Variants in KLHDC4 observed in about 807,000 individuals in gnomAD.
KLHDC4 encodes the protein kelch domain containing 4.
KLHDC4 carries 90 observed loss-of-function variants against 62.4 expected under a neutral mutation model. The ratio of observed to expected loss-of-function variants is 1.44; its 90% CI spans 1.22 to 1.72. The LOEUF is 1.72. Ranked by LOEUF, KLHDC4 falls within the 40% of genes most tolerant of loss-of-function variation. The probability of loss-of-function intolerance (pLI) is 0.00; values close to 1 mark genes in which losing one functional copy is unlikely to be tolerated. For missense variants in KLHDC4, 1,025 were observed against 699.7 expected, an observed-to-expected ratio of 1.47 and a Z score of -5.25; for synonymous variants, 386 against 284.4, an observed-to-expected ratio of 1.36 and a Z score of -3.59.
chr16:87,726,754 C>A lies in KLHDC4; in HGVS notation c.759+11G>T. On this transcript the variant is annotated intron_variant, in intron 7 of 11. Coordinates refer to ENST00000270583, the MANE Select transcript of KLHDC4 (RefSeq NM_017566.4). ...CCCACGCCTTGCCTGTTTCCCCACC[C>A]CCCGCCTTACCTGTTTCGAGTAGCC... is the stretch of plus-strand genomic sequence containing the variant. 1 of 1,545,882 alleles carries A rather than the reference C, an allele frequency of 6.5e-7. No homozygotes were observed. Among genetic ancestry groups the A allele is most frequent in the Non-Finnish European group, 8.7e-7 (1 of 1,150,838 alleles).
In KLHDC4 at chr16:87,728,170, G is replaced by C. The variant is rs116383978; in HGVS notation, c.600-1246C>G. On this transcript the variant is annotated intron_variant, in intron 6 of 11. Transcript: ENST00000270583. ...ACTGCACTCCAGCCTGGGCGATCGA[G>C]TGAGAATCTGTCTCAAAAAAAGAAG... is the stretch of plus-strand genomic sequence containing the variant. 7.2e-3 allele frequency among the ~76,000 whole-genome samples: 1,103 copies of C among 152,296 alleles called. 19 individuals are homozygous for C. Among genetic ancestry groups the C allele is most frequent in the African/African-American group, 0.025 (1,054 of 41,548 alleles).
intron 6 of KLHDC4, among the ~76,000 whole-genome samples, 175 bp from the exon 7 acceptor site, chr16:87,727,099 T>C (rs1205922217): frequency 6.6e-6 from 1 of 152,200 alleles, no homozygotes; most frequent in East Asian, 1.9e-4. Context: ...CGTGGCCGCT[T>C]TCCCTGCAAC....
intron 5 of KLHDC4, among the ~76,000 whole-genome samples, chr16:87,743,523 AGGGTCAG>A (rs2042557538): frequency 6.6e-6 from 1 of 151,628 alleles, no homozygotes; most frequent in Non-Finnish European, 1.5e-5. Flanking sequence ...GTGGATCATG[AGGGTCAG>A]GAGATCGAGA....
chr16:87,713,085 G>A (rs1337474111), intron 8 of KLHDC4, among the ~76,000 whole-genome samples: 1 of 152,252 alleles, frequency 6.6e-6, no homozygotes, highest in African/African-American at 2.4e-5. Context: ...AGGCTGGAGT[G>A]CAGTGGCACG....
At chr16:87,724,746 T>G (rs74039497) in intron 7 of KLHDC4, among the ~76,000 whole-genome samples, 7,057 of 152,246 alleles carry the variant, frequency 0.046, 544 homozygotes, top group African/African-American at 0.16. Flanking sequence ...AACCGGCCAC[T>G]GCTTCGGGAA....
At chr16:87,741,656 G>C (rs1468571196) in intron 5 of KLHDC4, among the ~76,000 whole-genome samples, 1 of 152,132 alleles carries the variant, frequency 6.6e-6, no homozygotes, top group Non-Finnish European at 1.5e-5. Context: ...ACTCAAATCA[G>C]ATTATCAGCA....
downstream of KLHDC4, among the ~76,000 whole-genome samples, chr16:87,703,752 G>C (rs1256833667): frequency 6.6e-6 from 1 of 152,242 alleles, no homozygotes; most frequent in African/African-American, 2.4e-5. Flanking sequence ...CGTGGTACCT[G>C]CACTGTGGCC....
chr16:87,705,481 A>C (rs12445361), downstream of KLHDC4, among the ~76,000 whole-genome samples: 12,173 of 152,290 alleles, frequency 0.08, 665 homozygotes, highest in Admixed American at 0.18. Context: ...CTTTCATTCA[A>C]ACCAAATCTT....
At chr16:87,746,126 C>T (rs2042997499) in intron 5 of KLHDC4, among the ~76,000 whole-genome samples, 1 of 151,926 alleles carries the variant, frequency 6.6e-6, no homozygotes. Context: ...TTTAATTAGC[C>T]CGGCACGGTG....
intron 7 of KLHDC4, among the ~76,000 whole-genome samples, chr16:87,715,292 G>T (rs908701666): frequency 6.6e-6 from 1 of 152,162 alleles, no homozygotes; most frequent in Non-Finnish European, 1.5e-5. Context: ...TAGAAGTTTT[G>T]TATTTGCAGA....
At chr16:87,762,243 A>C in intron 1 of KLHDC4, 1 of 1,080,420 alleles carries the variant, frequency 9.3e-7, no homozygotes, top group Non-Finnish European at 1.3e-6. Context: ...GTCTGCTTAA[A>C]GGGTAGATGT....
At chr16:87,745,331 A>C (rs2042884234) in intron 5 of KLHDC4, among the ~76,000 whole-genome samples, 1 of 151,362 alleles carries the variant, frequency 6.6e-6, no homozygotes, top group Non-Finnish European at 1.5e-5. Context: ...CCCAGCCCAT[A>C]CTACCCAGCA....
chr16:87,757,819 G>A (rs1370803849), intron 2 of KLHDC4, among the ~76,000 whole-genome samples: 2 of 152,118 alleles, frequency 1.3e-5, no homozygotes, highest in African/African-American at 4.8e-5. Flanking sequence ...TTGAACCCGG[G>A]AGGCAGAGGC....
chr16:87,748,599 T>A (rs2043402653), intron 5 of KLHDC4, 74 bp downstream of exon 5: 4 of 1,582,820 alleles, frequency 2.5e-6, no homozygotes, highest in Non-Finnish European at 3.4e-6. Flanking sequence ...TGAGGTCTGC[T>A]CCGAGCACTC....
chr16:87,761,900 T>G (rs80073767), intron 2 of KLHDC4, 49 bp downstream of exon 2: 2 of 1,568,566 alleles, frequency 1.3e-6, no homozygotes, highest in East Asian at 4.5e-5. Context: ...AGTTTTTCAA[T>G]GTATAGAAGA....
intron 7 of KLHDC4, among the ~76,000 whole-genome samples, chr16:87,717,135 G>T (rs1024375490): frequency 3.9e-5 from 6 of 151,944 alleles, no homozygotes; most frequent in Non-Finnish European, 7.4e-5. Context: ...CAACGCTGAG[G>T]TGGGAGGACT....
chr16:87,705,430 G>A (rs1266880782), downstream of KLHDC4, among the ~76,000 whole-genome samples: 1 of 152,222 alleles, frequency 6.6e-6, no homozygotes. Flanking sequence ...ACTCCATGCT[G>A]GGAGCTTGTC....
At chr16:87,745,867 T>A (rs1346220437) in intron 5 of KLHDC4, among the ~76,000 whole-genome samples, 2 of 152,156 alleles carry the variant, frequency 1.3e-5, no homozygotes, top group African/African-American at 4.8e-5. Context: ...GTGCGTCTCG[T>A]CAGGGTCTTA....
At chr16:87,761,727 C>T (rs1210697844) in intron 2 of KLHDC4, among the ~76,000 whole-genome samples, 1 of 152,160 alleles carries the variant, frequency 6.6e-6, no homozygotes, top group Non-Finnish European at 1.5e-5. Context: ...GGCACCGGAG[C>T]CCAGAGGCAG....
Sources: gnomAD v4.1 joint callset for allele counts (sites outside exome capture counted in the v4.1 genomes callset) on GRCh38, gnomAD v4.1.1 for gene constraint, MANE v1.5 for transcripts, NCBI Gene and HGNC (gene_info 2026-07-23, HGNC 2026-07-21) for gene names.